Variants in SRGAP1 observed in about 807,000 individuals in gnomAD.
SRGAP1 encodes SLIT-ROBO Rho GTPase-activating protein 1.
SRGAP1 carries 43 observed loss-of-function variants against 121.9 expected under a neutral mutation model. The ratio of observed to expected loss-of-function variants is 0.35; its 90% CI spans 0.28 to 0.46. The LOEUF (loss-of-function observed/expected upper bound fraction) is 0.46. Among genes scored for constraint, SRGAP1 ranks in the 20% least tolerant of loss-of-function variants. The pLI is 1.00. For missense variants in SRGAP1, 1,102 were observed against 1,350.9 expected (o/e 0.82, Z 2.89); for synonymous variants, 447 against 485.4 (o/e 0.92, Z 1.04).
intron 1 of SRGAP1, among the ~76,000 whole-genome samples, chr12:63,858,445 T>G (rs1216712622): frequency 6.6e-6 from 1 of 151,966 alleles, no homozygotes; most frequent in Non-Finnish European, 1.5e-5. Flanking sequence ...CCTTTCAAAG[T>G]GCTGGGATTA....
intron 1 of SRGAP1, chr12:63,982,432 A>G (rs1377242545): frequency 1.3e-5 from 2 of 152,212 alleles, no homozygotes; most frequent in Non-Finnish European, 2.9e-5. Flanking sequence ...CAGAATAGTA[A>G]ACACTGAGTT....
At position 63,919,708 on chromosome 12, in the gene SRGAP1, C is replaced by G. The variant is rs1403045652; in HGVS notation, c.68-64239C>G. Among the ~76,000 whole-genome samples, 3 of 152,074 alleles carry G rather than the reference C, an allele frequency of 2.0e-5. No homozygotes were observed. The East Asian group carries it at 5.8e-4, about 29-fold the overall frequency. On this transcript the variant is annotated intron_variant, in intron 1 of 21. Coordinates refer to ENST00000355086, the MANE Select transcript of SRGAP1 (RefSeq NM_020762.4). ...CTTCCTAATTTTTTTCTTTCTCTTG[C>G]CTTTTTTTAAAAAATGTTATTTATC...
chr12:64,013,241 T>G (rs2034302422), intron 3 of SRGAP1, among the ~76,000 whole-genome samples: 1 of 152,216 alleles, frequency 6.6e-6, no homozygotes, highest in Admixed American at 6.5e-5. Context: ...GGAAACATAT[T>G]TAAAGTGGGG....
intron 2 of SRGAP1, 134 bp downstream of exon 2, chr12:63,984,276 C>T: frequency 2.3e-6 from 1 of 425,622 alleles, no homozygotes; most frequent in Non-Finnish European, 4.0e-6. Context: ...TAAAAGCAGC[C>T]CTCTACATTT....
At chr12:64,121,793 G>A (rs1370758654) in intron 18 of SRGAP1, among the ~76,000 whole-genome samples, 1 of 151,868 alleles carries the variant, frequency 6.6e-6, no homozygotes, top group African/African-American at 2.4e-5. Flanking sequence ...GCTTTGCTGA[G>A]TGCTCTGTGT....
intron 15 of SRGAP1, among the ~76,000 whole-genome samples, chr12:64,105,841 G>C (rs2036336648): frequency 6.6e-6 from 1 of 152,178 alleles, no homozygotes; most frequent in Non-Finnish European, 1.5e-5. Flanking sequence ...TGTAGTTACA[G>C]AGAATGTAGC....
chr12:63,922,452 G>A (rs138949539), intron 1 of SRGAP1, among the ~76,000 whole-genome samples: 121 of 152,292 alleles, frequency 7.9e-4, no homozygotes, highest in Non-Finnish European at 1.4e-3. Context: ...GGGATGCCCT[G>A]GAGTCAATGA....
intron 17 of SRGAP1, among the ~76,000 whole-genome samples, chr12:64,112,387 C>T (rs2036443806): frequency 6.6e-6 from 1 of 152,102 alleles, no homozygotes. Flanking sequence ...GCCCTGTCAA[C>T]CAAATGTATT....
At chr12:64,088,460 T>C (rs542974615) in intron 11 of SRGAP1, among the ~76,000 whole-genome samples, 6 of 152,288 alleles carry the variant, frequency 3.9e-5, no homozygotes, top group Non-Finnish European at 7.4e-5. Flanking sequence ...AATTGCCAAA[T>C]AGACTAGATA....
chr12:64,059,905 ATGG>A (rs2136532432), intron 6 of SRGAP1, among the ~76,000 whole-genome samples: 1 of 152,264 alleles, frequency 6.6e-6, no homozygotes, highest in East Asian at 1.9e-4. Flanking sequence ...ATTTGTAATT[ATGG>A]TGTCACAGCT....
Position 63,915,001 on chromosome 12 carries a change from A to T in SRGAP1, c.68-68946A>T, listed in dbSNP as rs1188470459. On this transcript the variant is annotated intron_variant, in intron 1 of 21. Transcript: ENST00000355086. The stretch of plus-strand genomic sequence containing the variant: ...ACAATTGATACTTAAATTTTGTTTT[A>T]ATCTACTCAGCATTTCAAGTTCTTT... 3.3e-5 allele frequency among the ~76,000 whole-genome samples: 5 copies of T among 152,192 alleles called. No homozygotes were observed. The East Asian group carries it at 7.7e-4, about 23-fold the overall frequency.
At chr12:64,067,987 A>G (rs2035569759) in intron 8 of SRGAP1, among the ~76,000 whole-genome samples, 1 of 152,158 alleles carries the variant, frequency 6.6e-6, no homozygotes, top group South Asian at 2.1e-4. Context: ...ACAGCTAAGT[A>G]GAACATGAGC....
intron 6 of SRGAP1, among the ~76,000 whole-genome samples, chr12:64,058,272 CT>C (rs1217933877): frequency 6.6e-6 from 1 of 152,160 alleles, no homozygotes; most frequent in Non-Finnish European, 1.5e-5. Context: ...CAACTTGCAA[CT>C]TTTCGACTTT....
intron 1 of SRGAP1, among the ~76,000 whole-genome samples, chr12:63,933,030 A>T (rs2031535345): frequency 6.6e-6 from 1 of 152,138 alleles, no homozygotes; most frequent in South Asian, 2.1e-4. Context: ...TCTACTAAAA[A>T]TACAAAAATT....
At chr12:64,041,398 T>TATTTATTTA (rs78069639) in intron 4 of SRGAP1, among the ~76,000 whole-genome samples, 1 of 117,078 alleles carries the variant, frequency 8.5e-6, no homozygotes, top group Admixed American at 8.3e-5. Context: ...TTTATTTATT[T>TATTTATTTA]TTTTGAGGCA....
chr12:64,014,192 A>G (rs1161092977), intron 3 of SRGAP1, among the ~76,000 whole-genome samples: 1 of 152,206 alleles, frequency 6.6e-6, no homozygotes, highest in South Asian at 2.1e-4. Flanking sequence ...ATCCAAAGTC[A>G]CTGAGACTTC....
intron 1 of SRGAP1, among the ~76,000 whole-genome samples, chr12:63,975,829 TATA>T (rs1227369337): frequency 2.6e-5 from 4 of 152,188 alleles, no homozygotes; most frequent in Non-Finnish European, 4.4e-5. Flanking sequence ...CATAAATAAT[TATA>T]ATAATAAGAG....
At chr12:63,918,737 C>CTCT (rs2030905443) in intron 1 of SRGAP1, among the ~76,000 whole-genome samples, 1 of 152,110 alleles carries the variant, frequency 6.6e-6, no homozygotes. Flanking sequence ...GCTTTGTTTG[C>CTCT]ACTATCTAGG....
intron 4 of SRGAP1, among the ~76,000 whole-genome samples, chr12:64,041,363 A>AT (rs1159902708): frequency 3.7e-5 from 5 of 134,288 alleles, no homozygotes; most frequent in South Asian, 2.8e-4. Context: ...ATTTTATTTT[A>AT]TTTATTTATT....
Sources: allele counts gnomAD v4.1 joint callset (sites outside exome capture counted in the v4.1 genomes callset), GRCh38; gene constraint gnomAD v4.1.1; transcripts MANE v1.5; gene names NCBI Gene and HGNC (gene_info 2026-07-23, HGNC 2026-07-21).